The following ST3GAL1 variants were observed in gnomAD, a reference collection of about 807,000 sequenced individuals.
ST3GAL1 encodes ST3 beta-galactoside alpha-2,3-sialyltransferase 1.
In ST3GAL1, 16 loss-of-function variants were observed where a neutral mutation model predicts 34.1. The ratio of observed to expected loss-of-function variants is 0.47; its 90% confidence interval spans 0.32 to 0.71. The LOEUF is 0.71. Ranked by LOEUF, ST3GAL1 falls within the 30% of genes least tolerant of loss-of-function variation. The pLI, the probability that ST3GAL1 is intolerant of heterozygous loss-of-function variation, is 0.04. For missense variants in ST3GAL1, 353 were observed against 447.4 expected (o/e 0.79, Z 1.90); for synonymous variants, 191 against 184.7 (o/e 1.03, Z -0.28).
chr8:133,464,673 G>C, intron 7 of ST3GAL1, 105 bp downstream of exon 7: 2 of 1,317,804 alleles, frequency 1.5e-6, no homozygotes, highest in Non-Finnish European at 2.1e-6. Context: ...GGCTGGGGGA[G>C]GGGAGGCACC....
chr8:133,518,066 C>T (rs1817695548), intron 2 of ST3GAL1, among the ~76,000 whole-genome samples: 1 of 152,162 alleles, frequency 6.6e-6, no homozygotes, highest in Admixed American at 6.5e-5. Context: ...ACCCACGTGG[C>T]CCCTGGGGAT....
intron 3 of ST3GAL1, among the ~76,000 whole-genome samples, chr8:133,489,097 C>T (rs72718301): frequency 0.032 from 4,940 of 152,248 alleles, 105 homozygotes; most frequent in Middle Eastern, 0.065. Context: ...TCTATGTCCT[C>T]TTGTCCCTTC....
intron 3 of ST3GAL1, among the ~76,000 whole-genome samples, chr8:133,487,921 T>G (rs1446689288): frequency 1.3e-5 from 2 of 151,240 alleles, no homozygotes; most frequent in Non-Finnish European, 2.9e-5. Context: ...TGAGCCGAGA[T>G]TGCACCACTG....
At chr8:133,557,055 C>T (rs1042265546) in intron 1 of ST3GAL1, among the ~76,000 whole-genome samples, 5 of 152,204 alleles carry the variant, frequency 3.3e-5, no homozygotes, top group African/African-American at 1.2e-4. Context: ...CAATGGCCAA[C>T]CTCAGCGAGC....
chr8:133,528,798 AG>A lies in ST3GAL1; in HGVS notation c.-429+16975del, dbSNP rs11356381. ...CTGGAGCTAGGGTATTAGGGCTCCA[AG>A]GGTAGGACCACATTTCCCCTCTCCA... On this transcript the variant is annotated intron_variant, in intron 2 of 9. Coordinates refer to ENST00000522652, the MANE Select transcript of ST3GAL1 (RefSeq NM_173344.3). Among the ~76,000 whole-genome samples the A allele has an allele frequency of 2.3e-3, 358 of 152,358 alleles. 1 individual carries two copies. Among genetic ancestry groups the A allele is most frequent in the African/African-American group, 8.1e-3 (336 of 41,596 alleles).
intron 3 of ST3GAL1, among the ~76,000 whole-genome samples, chr8:133,485,425 G>A (rs1174507314): frequency 6.6e-6 from 1 of 152,172 alleles, no homozygotes; most frequent in Non-Finnish European, 1.5e-5. Flanking sequence ...TGGCCTGTGG[G>A]CCTCAACCTG....
chr8:133,515,724 A>AAAGT (rs898107931), intron 2 of ST3GAL1: 21 of 152,222 alleles, frequency 1.4e-4, no homozygotes, highest in Non-Finnish European at 2.9e-4. Context: ...AGTAAGCCCA[A>AAAGT]AAGAGGTTAG....
Position 133,464,945 on chromosome 8 carries a change from C to T in ST3GAL1, c.516G>A (p.Ala172=), listed in dbSNP as rs200181539. Residue 172 remains alanine (A), a synonymous_variant, in exon 7 of 10, where the codon GCG becomes GCA. Transcript: ENST00000522652. The part of the protein sequence containing the change: ...SHDFVLRMNK[A]PTAGFEADVG... ...CATCAGCTTCAAACCCTGCCGTGGG[C>T]GCCTTGTTCATCCTGGGAGAGAAGG... The T allele has an allele frequency of 5.2e-5, 84 of 1,612,782 alleles. No individual in the cohort carries two copies. Among genetic ancestry groups the T allele is most frequent in the Middle Eastern group, 5.0e-4 (3 of 6,046 alleles).
intron 1 of ST3GAL1, among the ~76,000 whole-genome samples, chr8:133,551,587 AAAGAAAGAAAGAAAG>A (rs1490118178): frequency 1.3e-5 from 2 of 150,786 alleles, no homozygotes; most frequent in Non-Finnish European, 2.9e-5. Flanking sequence ...AGAAAGAAAG[AAAGAAAGAAAGAAAG>A]AAAGAAAGAA....
intron 2 of ST3GAL1, among the ~76,000 whole-genome samples, chr8:133,523,639 A>G (rs1241397838): frequency 6.6e-6 from 1 of 151,980 alleles, no homozygotes; most frequent in Non-Finnish European, 1.5e-5. Flanking sequence ...GACTCTCAGG[A>G]CCTCCCTGGA....
At chr8:133,515,669 C>A (rs1351513052) in intron 2 of ST3GAL1, 1 of 152,112 alleles carries the variant, frequency 6.6e-6, no homozygotes, top group African/African-American at 2.4e-5. Context: ...ATAATTAGCA[C>A]AGCTCTCATA....
At chr8:133,460,379 T>C (rs1815452717) in intron 9 of ST3GAL1, among the ~76,000 whole-genome samples, 1 of 152,154 alleles carries the variant, frequency 6.6e-6, no homozygotes, top group Non-Finnish European at 1.5e-5. Flanking sequence ...GCATGTGAAG[T>C]CACTTCTTTG....
intron 2 of ST3GAL1, among the ~76,000 whole-genome samples, chr8:133,507,095 C>T (rs1425553509): frequency 1.3e-5 from 2 of 152,112 alleles, no homozygotes; most frequent in Non-Finnish European, 2.9e-5. Flanking sequence ...GACAGAAATC[C>T]AAGAATTCCA....
Position 133,536,760 on chromosome 8 carries a change from G to A in ST3GAL1, c.-429+9014C>T, listed in dbSNP as rs543262513. Reference sequence around the variant, plus strand: ...ACCGTACCCAGCTTTTTGAGTCCTCGTGTCATTTGAGTCCTCACAGAACTC... The same window carrying A: ...ACCGTACCCAGCTTTTTGAGTCCTCATGTCATTTGAGTCCTCACAGAACTC... On this transcript the variant is annotated intron_variant, in intron 2 of 9. Transcript: ENST00000522652. Among the ~76,000 whole-genome samples, 78 of 152,242 alleles carry A rather than the reference G, an allele frequency of 5.1e-4. 1 individual carries two copies. In the South Asian group the frequency reaches 0.015, roughly 30 times the overall value.
rs1817893304 is a variant in ST3GAL1, at chr8:133,524,184, TA to T, written c.-429+21589del. On this transcript the variant is annotated intron_variant, in intron 2 of 9. Transcript: ENST00000522652. ...CTCAAGCAAAGCCTGGAACAATAAT[TA>T]AAAAACCTACCTCTTAAGCTTTTAA... Among the ~76,000 whole-genome samples, 3 of 152,170 alleles carry T rather than the reference TA, an allele frequency of 2.0e-5. No homozygotes were observed. In the South Asian group the frequency reaches 6.2e-4, roughly 32 times the overall value.
intron 1 of ST3GAL1, among the ~76,000 whole-genome samples, chr8:133,553,117 A>G (rs1170877196): frequency 6.6e-6 from 1 of 152,128 alleles, no homozygotes; most frequent in African/African-American, 2.4e-5. Context: ...CTTGAGGCAC[A>G]CACTATCCAA....
At chr8:133,494,169 C>G (rs188588038) in intron 3 of ST3GAL1, among the ~76,000 whole-genome samples, 1 of 152,316 alleles carries the variant, frequency 6.6e-6, no homozygotes, top group East Asian at 1.9e-4. Flanking sequence ...GATTCAATTT[C>G]TATTTACAAG....
At chr8:133,520,320 G>A (rs1048541857) in intron 2 of ST3GAL1, among the ~76,000 whole-genome samples, 1 of 152,218 alleles carries the variant, frequency 6.6e-6, no homozygotes, top group Non-Finnish European at 1.5e-5. Context: ...TATATATTCC[G>A]TGGTGAATTC....
chr8:133,488,919 T>C (rs569505007), intron 3 of ST3GAL1, among the ~76,000 whole-genome samples: 1 of 152,188 alleles, frequency 6.6e-6, no homozygotes, highest in Admixed American at 6.5e-5. Context: ...GACAACCTCC[T>C]GGGAGCCACA....
Sources: allele counts gnomAD v4.1 joint callset (sites outside exome capture counted in the v4.1 genomes callset), GRCh38; gene constraint gnomAD v4.1.1; transcripts MANE v1.5; gene names NCBI Gene and HGNC (gene_info 2026-07-23, HGNC 2026-07-21).